RBFOX1: variants seen among roughly 807,000 people sequenced by gnomAD.
The protein encoded by RBFOX1 is RNA binding protein fox-1 homolog 1.
A neutral mutation model predicts 57.7 loss-of-function variants in RBFOX1; 8 were observed. That is an observed-to-expected ratio of 0.14 (90% confidence interval 0.08 to 0.25). The LOEUF (loss-of-function observed/expected upper bound fraction) is 0.25, where lower values mean the gene tolerates loss of function less well. Among genes scored for constraint, RBFOX1 ranks in the 10% least tolerant of loss-of-function variants. The pLI is 1.00. For synonymous variants in RBFOX1, 326 were observed against 222.4 expected, an observed-to-expected ratio of 1.47 and a Z score of -4.15; for missense variants, 611 against 548.5, an observed-to-expected ratio of 1.11 and a Z score of -1.14.
At chr16:6,952,809 C>G (rs919164606) in intron 3 of RBFOX1, among the ~76,000 whole-genome samples, 4 of 152,024 alleles carry the variant, frequency 2.6e-5, no homozygotes, top group African/African-American at 4.8e-5. Context: ...AACCCCATCT[C>G]TACTAAAATA....
intron 3 of RBFOX1, among the ~76,000 whole-genome samples, chr16:6,664,008 T>C (rs374435810): frequency 2.0e-5 from 3 of 152,162 alleles, no homozygotes; most frequent in African/African-American, 4.8e-5. Flanking sequence ...TCCTTTAATA[T>C]AGAATGAAAT....
At chr16:5,774,948 G>A (rs76939833) in intron 3 of RBFOX1, among the ~76,000 whole-genome samples, 8 of 152,158 alleles carry the variant, frequency 5.3e-5, no homozygotes, top group Non-Finnish European at 1.0e-4. Context: ...CTCCCAAAGT[G>A]TTGAGATTGC....
At chr16:7,519,940 C>T (rs948951318) in intron 5 of RBFOX1, among the ~76,000 whole-genome samples, 19 of 152,204 alleles carry the variant, frequency 1.2e-4, no homozygotes, top group Admixed American at 1.1e-3. Flanking sequence ...GGCTGGAGTG[C>T]GGTGGCGCGA....
rs184810358 is a variant in RBFOX1, at chr16:6,027,878, G to A, written c.-127+7886G>A. Among the ~76,000 whole-genome samples, 3 of 152,344 alleles carry A rather than the reference G, an allele frequency of 2.0e-5. No individual in the cohort carries two copies. The East Asian group carries it at 5.8e-4, about 29-fold the overall frequency. On this transcript the variant is annotated intron_variant, in intron 1 of 15. Coordinates refer to ENST00000550418, the MANE Select transcript of RBFOX1 (RefSeq NM_018723.4). ...AAATGTACGGTTGAGATCGTTGACA[G>A]ACTTGAGGCCCTGTGTGGAGTTCCG...
intron 4 of RBFOX1, among the ~76,000 whole-genome samples, chr16:7,108,609 T>G (rs1236599337): frequency 6.6e-6 from 1 of 152,164 alleles, no homozygotes. Context: ...GTTAGAGATA[T>G]GATTAATTGC....
At chr16:5,645,011 GGA>G (rs2049000370) in intron 3 of RBFOX1, among the ~76,000 whole-genome samples, 1 of 151,816 alleles carries the variant, frequency 6.6e-6, no homozygotes, top group South Asian at 2.1e-4. Flanking sequence ...TGAGGCGAGT[GGA>G]TCACTTGAAG....
chr16:5,786,001 T>C (rs1312043377), intron 3 of RBFOX1, among the ~76,000 whole-genome samples: 1 of 152,190 alleles, frequency 6.6e-6, no homozygotes, highest in Non-Finnish European at 1.5e-5. Context: ...CATTTCTCCA[T>C]TGGACCACCA....
intron 4 of RBFOX1, among the ~76,000 whole-genome samples, chr16:7,133,216 T>C (rs1302865167): frequency 6.6e-6 from 1 of 152,156 alleles, no homozygotes; most frequent in Non-Finnish European, 1.5e-5. Flanking sequence ...AAACATATCA[T>C]TTAAAAAATT....
At chr16:6,175,106 A>C in intron 1 of RBFOX1, among the ~76,000 whole-genome samples, 1 of 152,332 alleles carries the variant, frequency 6.6e-6, no homozygotes, top group African/African-American at 2.4e-5. Context: ...ACTTAGAACT[A>C]TATCTCATAT....
chr16:5,556,031 A>T (rs990422134), intron 2 of RBFOX1, among the ~76,000 whole-genome samples: 1 of 152,180 alleles, frequency 6.6e-6, no homozygotes, highest in South Asian at 2.1e-4. Context: ...AAAAAAACAA[A>T]CAAACAAACA....
At chr16:7,404,027 C>CATTTTATTTTATTTT (rs1278332849) in intron 4 of RBFOX1, among the ~76,000 whole-genome samples, 37 of 49,096 alleles carry the variant, frequency 7.5e-4, no homozygotes, top group Admixed American at 8.1e-4. Context: ...GATTTCATTT[C>CATTTTATTTTATTTT]CTTTTATTTT....
Position 7,657,683 on chromosome 16 carries a change from G to A in RBFOX1, c.890+3736G>A, listed in dbSNP as rs140372710. Reference sequence around the variant, plus strand: ...TCTGAAGCCCTTCCATGCAGCTGAAGAACATCGGTTATGAAGAGGCCCTTT... The same window carrying A: ...TCTGAAGCCCTTCCATGCAGCTGAAAAACATCGGTTATGAAGAGGCCCTTT... On this transcript the variant is annotated intron_variant, in intron 12 of 15. Transcript: ENST00000550418. Among the ~76,000 whole-genome samples, 636 of 152,294 alleles carry A rather than the reference G, an allele frequency of 4.2e-3. 7 individuals carry two copies. Among genetic ancestry groups the A allele is most frequent in the African/African-American group, 0.015 (612 of 41,558 alleles).
intron 4 of RBFOX1, among the ~76,000 whole-genome samples, chr16:7,225,536 A>G (rs1474767820): frequency 6.6e-6 from 1 of 151,858 alleles, no homozygotes; most frequent in Non-Finnish European, 1.5e-5. Flanking sequence ...TACCAGTCTC[A>G]AGTATGTCTT....
chr16:5,649,730 A>C (rs2049170575), intron 3 of RBFOX1, among the ~76,000 whole-genome samples: 1 of 152,180 alleles, frequency 6.6e-6, no homozygotes. Context: ...TTCTCTTTTC[A>C]ACAAACACAA....
intron 4 of RBFOX1, among the ~76,000 whole-genome samples, chr16:7,348,858 C>T (rs985223139): frequency 2.6e-5 from 4 of 152,232 alleles, no homozygotes; most frequent in East Asian, 1.9e-4. Context: ...AGGAGAATCC[C>T]TTGAACCCAG....
intron 3 of RBFOX1, among the ~76,000 whole-genome samples, chr16:5,607,333 C>G (rs900376209): frequency 6.6e-6 from 1 of 152,144 alleles, no homozygotes; most frequent in African/African-American, 2.4e-5. Context: ...CCACATGGTT[C>G]TGATTAAAGG....
At chr16:6,809,565 A>G (rs1297626573) in intron 3 of RBFOX1, among the ~76,000 whole-genome samples, 2 of 152,142 alleles carry the variant, frequency 1.3e-5, no homozygotes, top group East Asian at 3.9e-4. Flanking sequence ...ATCCTATTGT[A>G]TATGAAGCCT....
chr16:5,724,959 T>C (rs572728073), intron 3 of RBFOX1, among the ~76,000 whole-genome samples: 32 of 152,310 alleles, frequency 2.1e-4, no homozygotes, highest in African/African-American at 6.7e-4. Flanking sequence ...GGAAGGGCCA[T>C]GTATCAGGAG....
chr16:7,304,575 T>A, intron 4 of RBFOX1: 1 of 985,302 alleles, frequency 1.0e-6, no homozygotes, highest in Non-Finnish European at 1.2e-6. Flanking sequence ...CGGTGCCTTA[T>A]GTAGGTTCTG....
Sources: gnomAD v4.1 joint callset for allele counts (sites outside exome capture counted in the v4.1 genomes callset) on GRCh38, gnomAD v4.1.1 for gene constraint, MANE v1.5 for transcripts, NCBI Gene and HGNC (gene_info 2026-07-23, HGNC 2026-07-21) for gene names.